Variants in PDE4D observed in about 807,000 individuals in gnomAD.
PDE4D encodes phosphodiesterase 4D, also known as 3',5'-cyclic-AMP phosphodiesterase 4D.
A neutral mutation model predicts 87.4 loss-of-function variants in PDE4D; 24 were observed. The ratio of observed to expected loss-of-function variants is 0.27; its 90% confidence interval spans 0.20 to 0.39. The LOEUF is 0.39. PDE4D is among the 10% of genes least tolerant of loss of function. The pLI is 1.00. For missense variants in PDE4D, 714 were observed against 1,041.0 expected (o/e 0.69, Z 4.32); for synonymous variants, 384 against 383.2 (o/e 1.00, Z -0.02).
At chr5:59,584,776 T>C (rs1395643177) in intron 1 of PDE4D, among the ~76,000 whole-genome samples, 1 of 152,104 alleles carries the variant, frequency 6.6e-6, no homozygotes, top group African/African-American at 2.4e-5. Context: ...CAAGGTACAC[T>C]TGATAGAAAG....
At chr5:59,061,854 T>C (rs781419135) in intron 5 of PDE4D, among the ~76,000 whole-genome samples, 3 of 152,112 alleles carry the variant, frequency 2.0e-5, no homozygotes, top group Non-Finnish European at 4.4e-5. Context: ...GCCTGCATAT[T>C]TTTTTAAGAT....
chr5:59,424,829 T>C (rs1794970105), intron 1 of PDE4D, among the ~76,000 whole-genome samples: 1 of 152,180 alleles, frequency 6.6e-6, no homozygotes, highest in Non-Finnish European at 1.5e-5. Flanking sequence ...TAGTCACACA[T>C]TCACAATCGA....
At chr5:59,935,062 T>C (rs987796083) in intron 3 of PDE4D, among the ~76,000 whole-genome samples, 3 of 152,126 alleles carry the variant, frequency 2.0e-5, no homozygotes, top group African/African-American at 7.2e-5. Flanking sequence ...GTAAGAAGTA[T>C]ATGAATTCTG....
intron 1 of PDE4D, among the ~76,000 whole-genome samples, chr5:59,742,619 C>T (rs1233275803): frequency 6.6e-6 from 1 of 152,082 alleles, no homozygotes; most frequent in Non-Finnish European, 1.5e-5. Flanking sequence ...GATGTAGGCA[C>T]AAGGGTTTTC....
At chr5:59,003,772 A>C in intron 6 of PDE4D, among the ~76,000 whole-genome samples, 1 of 152,184 alleles carries the variant, frequency 6.6e-6, no homozygotes, top group Non-Finnish European at 1.5e-5. Flanking sequence ...TGAAGAAAGG[A>C]AACAAGCCAT....
chr5:59,621,450 C>A (rs945143233), intron 1 of PDE4D, among the ~76,000 whole-genome samples: 1 of 152,150 alleles, frequency 6.6e-6, no homozygotes, highest in African/African-American at 2.4e-5. Context: ...AGGAGTTCAC[C>A]CAGGTGAAGG....
At chr5:60,414,850 CA>C (rs1355958491) in intron 1 of PDE4D, among the ~76,000 whole-genome samples, 2 of 152,160 alleles carry the variant, frequency 1.3e-5, no homozygotes, top group Non-Finnish European at 2.9e-5. Flanking sequence ...ATAACATCCC[CA>C]AACCAAGAAG....
At chr5:59,488,287 T>C (rs904999582) in intron 1 of PDE4D, among the ~76,000 whole-genome samples, 3 of 152,250 alleles carry the variant, frequency 2.0e-5, no homozygotes, top group Non-Finnish European at 4.4e-5. Context: ...TTTCCTTTTT[T>C]ATCTCACATT....
intron 1 of PDE4D, among the ~76,000 whole-genome samples, chr5:59,855,846 A>G (rs1581439494): frequency 6.6e-6 from 1 of 152,324 alleles, no homozygotes; most frequent in East Asian, 1.9e-4. Flanking sequence ...TTTGAACTCA[A>G]TAAAAATGAT....
chr5:59,499,156 T>C (rs992670371), intron 1 of PDE4D, among the ~76,000 whole-genome samples: 6 of 151,532 alleles, frequency 4.0e-5, no homozygotes, highest in Admixed American at 1.3e-4. Flanking sequence ...AATCAACTTG[T>C]TTCTGAATGA....
intron 1 of PDE4D, among the ~76,000 whole-genome samples, chr5:59,269,485 A>G (rs1421950153): frequency 1.3e-5 from 2 of 152,164 alleles, no homozygotes; most frequent in Non-Finnish European, 2.9e-5. Context: ...GAACTGCTAC[A>G]TTACCTACGA....
At position 59,852,730 on chromosome 5, in the gene PDE4D, C is replaced by G. The variant is rs541755510; in HGVS notation, c.455+40438G>C. On this transcript the variant is annotated intron_variant, in intron 1 of 14. Transcript: ENST00000340635. ...TTTGGGTATATGCAGCAATAGGTAA[C>G]TAATTAAGAGGTGTATAAGACAGTT... is the stretch of plus-strand genomic sequence containing the variant. Among the ~76,000 whole-genome samples, 5 of 151,734 alleles carry G rather than the reference C, an allele frequency of 3.3e-5. No individual in the cohort carries two copies. The South Asian group carries it at 1.0e-3, about 32-fold the overall frequency.
intron 1 of PDE4D, among the ~76,000 whole-genome samples, chr5:59,793,152 A>G (rs888840754): frequency 1.6e-4 from 25 of 152,176 alleles, no homozygotes; most frequent in African/African-American, 5.8e-4. Context: ...GAGGTGCATG[A>G]TTTCCATGGG....
At chr5:59,767,956 T>C (rs998887770) in intron 1 of PDE4D, among the ~76,000 whole-genome samples, 2 of 152,202 alleles carry the variant, frequency 1.3e-5, no homozygotes, top group Non-Finnish European at 2.9e-5. Flanking sequence ...CGTATGGGAA[T>C]AAAACTGCAT....
chr5:59,273,517 A>G (rs1764248725), intron 1 of PDE4D, among the ~76,000 whole-genome samples: 1 of 152,124 alleles, frequency 6.6e-6, no homozygotes, highest in Non-Finnish European at 1.5e-5. Flanking sequence ...TTATACCCTC[A>G]GGCCAAATTT....
chr5:60,090,677 A>T (rs1281617574), intron 2 of PDE4D, among the ~76,000 whole-genome samples: 1 of 152,174 alleles, frequency 6.6e-6, no homozygotes, highest in Non-Finnish European at 1.5e-5. Context: ...GTCCTATCAC[A>T]GCGGTTAGGC....
At chr5:59,804,981 C>T (rs551398709) in intron 1 of PDE4D, among the ~76,000 whole-genome samples, 15 of 152,084 alleles carry the variant, frequency 9.9e-5, no homozygotes, top group Admixed American at 3.3e-4. Flanking sequence ...TTAGTAGAGA[C>T]GGGGTTTCAC....
intron 2 of PDE4D, among the ~76,000 whole-genome samples, chr5:60,110,139 G>A (rs769755495): frequency 2.2e-4 from 33 of 151,954 alleles, no homozygotes; most frequent in Admixed American, 9.2e-4. Flanking sequence ...AGACTTCAGA[G>A]GCACAGTCAA....
At chr5:59,616,292 C>A (rs1309328396) in intron 1 of PDE4D, among the ~76,000 whole-genome samples, 2 of 152,074 alleles carry the variant, frequency 1.3e-5, no homozygotes, top group African/African-American at 2.4e-5. Context: ...AATGGAATTT[C>A]AAAAATGCAG....
Sources: gnomAD v4.1 joint callset for allele counts (sites outside exome capture counted in the v4.1 genomes callset) on GRCh38, gnomAD v4.1.1 for gene constraint, MANE v1.5 for transcripts, NCBI Gene and HGNC (gene_info 2026-07-23, HGNC 2026-07-21) for gene names.